Variants in OTOG observed in about 807,000 individuals in gnomAD.
The protein encoded by OTOG is otogelin.
A neutral mutation model predicts 313.8 loss-of-function variants in OTOG; 296 were observed. The ratio of observed to expected loss-of-function variants is 0.94; its 90% CI spans 0.86 to 1.04. The LOEUF (loss-of-function observed/expected upper bound fraction) is 1.04, where lower values mean the gene tolerates loss of function less well. Among genes scored for constraint, OTOG ranks in the 50% least tolerant of loss-of-function variants. The pLI, the probability that OTOG is intolerant of heterozygous loss-of-function variation, is 0.00. For missense variants in OTOG, 3,948 were observed against 3,840.1 expected (o/e 1.03, Z -0.74); for synonymous variants, 1,533 against 1,554.9 (o/e 0.99, Z 0.33).
In OTOG at chr11:17,573,275, C is replaced by T. The variant is rs765096756; in HGVS notation, c.2278C>T (p.Arg760Cys). The change falls in exon 19 of 56, where the codon CGC (arginine) becomes TGC (cysteine). Residue 760 changes from arginine to cysteine, a missense_variant. Arg to Cys is a radical substitution (Grantham distance 180). Coordinates refer to ENST00000399397, the MANE Select transcript of OTOG (RefSeq NM_001292063.2). ...RHGLPVDFRA[R>C]LPACALSCEA... Reference sequence around the variant, plus strand: ...TGGGCTCCCCGTTGATTTCCGCGCCCGCCTGCCAGCCTGTGGTGAGTGCCC... The same window carrying T: ...TGGGCTCCCCGTTGATTTCCGCGCCTGCCTGCCAGCCTGTGGTGAGTGCCC... 55 of 1,527,526 alleles carry T rather than the reference C, an allele frequency of 3.6e-5. No individual in the cohort carries two copies. Among genetic ancestry groups the T allele is most frequent in the Middle Eastern group, 3.7e-4 (2 of 5,478 alleles). The allele number at this position is 1,527,526 out of a possible 1,614,324, so 94.6% of individuals were successfully genotyped here.
At chr11:17,565,980 G>A (rs938228632) in intron 15 of OTOG, among the ~76,000 whole-genome samples, 3 of 152,216 alleles carry the variant, frequency 2.0e-5, no homozygotes, top group East Asian at 1.9e-4. Flanking sequence ...TTTATTGGAC[G>A]ATGGTATTAG....
rs1383122814 is a variant in OTOG, at chr11:17,576,903, G to A, written c.2597G>A (p.Arg866Lys). ...GATGGAGTCATGAGCTGTGATAGCA[G>A]AGCCCCAGGTAAGGGTGGGTGGAGG... ...CKDGVMSCDS[R>K]APAAACPAGQ... The change falls in exon 22 of 56, where the codon AGA becomes AAA. Residue 866 changes from arginine (R) to lysine (K), a missense_variant. Coordinates refer to ENST00000399397, the MANE Select transcript of OTOG (RefSeq NM_001292063.2). 6.4e-7 allele frequency: 1 copy of A among 1,550,496 alleles called. No homozygotes were observed. The highest frequency in any genetic ancestry group is 8.7e-7 in the Non-Finnish European group (1 of 1,146,964).
chr11:17,555,219 G>GA (rs1852029838), intron 6 of OTOG, among the ~76,000 whole-genome samples: 1 of 151,908 alleles, frequency 6.6e-6, no homozygotes, highest in African/African-American at 2.4e-5. Context: ...GTGTGTGTGT[G>GA]TGTGTGTGTG....
At chr11:17,558,417 GA>G in intron 9 of OTOG, 102 bp downstream of exon 9, 2 of 1,520,662 alleles carry the variant, frequency 1.3e-6, no homozygotes, top group Non-Finnish European at 1.8e-6. Flanking sequence ...TGGTGCCCTT[GA>G]CCCCATCCCT....
At chr11:17,602,442 G>A in intron 32 of OTOG, 65 bp downstream of exon 32, 3 of 1,494,086 alleles carry the variant, frequency 2.0e-6, no homozygotes, top group African/African-American at 2.8e-5. Flanking sequence ...AGGAGGGGAG[G>A]GTGCTGAGGC....
At chr11:17,572,535 C>T (rs1002548395) in intron 18 of OTOG, among the ~76,000 whole-genome samples, 1 of 152,214 alleles carries the variant, frequency 6.6e-6, no homozygotes, top group African/African-American at 2.4e-5. Flanking sequence ...CCGCCCTCTG[C>T]TCTGCCCCAG....
At chr11:17,594,471 T>C (rs1853041076) in intron 28 of OTOG, among the ~76,000 whole-genome samples, 1 of 152,150 alleles carries the variant, frequency 6.6e-6, no homozygotes, top group African/African-American at 2.4e-5. Flanking sequence ...TGCTTCCCAG[T>C]GCCTGGCACT....
chr11:17,643,067 A>G (rs544506023), intron 53 of OTOG, among the ~76,000 whole-genome samples: 2 of 152,190 alleles, frequency 1.3e-5, no homozygotes, highest in Non-Finnish European at 2.9e-5. Context: ...AGCCTAGAGG[A>G]AGAGGATGAT....
At chr11:17,596,620 A>C (rs1853115349) in intron 29 of OTOG, among the ~76,000 whole-genome samples, 1 of 152,168 alleles carries the variant, frequency 6.6e-6, no homozygotes, top group African/African-American at 2.4e-5. Context: ...TGGCTCCTGG[A>C]TCAAACAGCC....
At chr11:17,583,938 C>T (rs746949000) in intron 23 of OTOG, among the ~76,000 whole-genome samples, 1 of 152,050 alleles carries the variant, frequency 6.6e-6, no homozygotes, top group Non-Finnish European at 1.5e-5. Flanking sequence ...TCCTCCAAAC[C>T]ACAAATATGG....
chr11:17,613,247 C>CTT (rs1565118980), intron 38 of OTOG, among the ~76,000 whole-genome samples: 1 of 125,248 alleles, frequency 8.0e-6, no homozygotes, highest in South Asian at 2.9e-4. Flanking sequence ...TTCTTTCTTT[C>CTT]TTTCTTTCTT....
chr11:17,632,358 T>G (rs897454718), intron 42 of OTOG, 132 bp downstream of exon 42: 10 of 738,076 alleles, frequency 1.4e-5, no homozygotes, highest in South Asian at 6.6e-5. Context: ...TTATGTACAT[T>G]AGTAAATTTA....
At chr11:17,591,227 G>T (rs180876138) in intron 24 of OTOG, among the ~76,000 whole-genome samples, 1 of 152,184 alleles carries the variant, frequency 6.6e-6, no homozygotes, top group Non-Finnish European at 1.5e-5. Context: ...TTAAATGTCA[G>T]GCCCATTATT....
Position 17,561,152 on chromosome 11 carries a change from C to T in OTOG, c.1498+15C>T, listed in dbSNP as rs1004924099. On this transcript the variant is annotated intron_variant, in intron 14 of 55. Transcript: ENST00000399397. ...TGTCTGCCCAGGTATGTCTGCCCCC[C>T]ACCTTGCACTAGGATCCCTTCTACC... is the stretch of plus-strand genomic sequence containing the variant. The T allele has an allele frequency of 1.9e-6, 3 of 1,550,378 alleles. No homozygotes were observed. Among genetic ancestry groups the T allele is most frequent in the South Asian group, 1.2e-5 (1 of 84,058 alleles).
intron 15 of OTOG, among the ~76,000 whole-genome samples, chr11:17,568,600 G>C (rs1852338883): frequency 6.6e-6 from 1 of 152,168 alleles, no homozygotes; most frequent in Non-Finnish European, 1.5e-5. Context: ...CTTGCACATA[G>C]TTGGTGCTCA....
At position 17,572,194 on chromosome 11, in the gene OTOG, C is replaced by A; in HGVS notation, c.2070C>A (p.His690Gln). Residue 690 changes from histidine to glutamine, a missense_variant, in exon 18 of 56, where the codon CAC (histidine) becomes CAA (glutamine). Physicochemically the swap from His to Gln is conservative, Grantham distance 24. Transcript: ENST00000399397. ...SGSPLDPCDV[H>Q]LQAASYSVQA... ...CCCCTCTGGACCCCTGCGATGTGCA[C>A]CTGCAAGCCGGTGAGTTGGTGGGGG... 1 of 1,550,368 alleles carries A rather than the reference C, an allele frequency of 6.5e-7. No homozygotes were observed. Among genetic ancestry groups the A allele is most frequent in the Admixed American group, 2.0e-5 (1 of 50,974 alleles).
intron 40 of OTOG, among the ~76,000 whole-genome samples, 173 bp downstream of exon 40, chr11:17,629,489 G>A (rs987884285): frequency 5.3e-5 from 8 of 152,332 alleles, no homozygotes; most frequent in Middle Eastern, 6.8e-3. Context: ...GGCCAAAGCT[G>A]CCAGTAGGGA....
chr11:17,609,746 G>A lies in OTOG; in HGVS notation c.4446G>A (p.Glu1482=), dbSNP rs1296834728. The change falls in exon 36 of 56, where the codon GAG becomes GAA. Residue 1482 remains glutamate (E), a synonymous_variant. Coordinates refer to ENST00000399397, the MANE Select transcript of OTOG (RefSeq NM_001292063.2). ...GGTTGCCCACTCCCAGTGATGAGGA[G>A]CCACAGCTGTCACAGGAAAGCCCCA... The part of the protein sequence containing the change: ...SQGLPTPSDE[E]PQLSQESPRT... The A allele has an allele frequency of 6.5e-7, 1 of 1,548,520 alleles. No individual in the cohort carries two copies. The highest frequency in any genetic ancestry group is 8.7e-7 in the Non-Finnish European group (1 of 1,145,960).
intron 3 of OTOG, among the ~76,000 whole-genome samples, chr11:17,549,896 G>A (rs1851898118): frequency 6.6e-6 from 1 of 152,108 alleles, no homozygotes; most frequent in Non-Finnish European, 1.5e-5. Flanking sequence ...TACTTCAAGG[G>A]CTCCTGTTTG....
Sources: gnomAD v4.1 joint callset for allele counts (sites outside exome capture counted in the v4.1 genomes callset) on GRCh38, gnomAD v4.1.1 for gene constraint, MANE v1.5 for transcripts, NCBI Gene and HGNC (gene_info 2026-07-23, HGNC 2026-07-21) for gene names.